Variants in HS3ST4 observed in about 807,000 individuals in gnomAD.
HS3ST4 encodes the protein heparan sulfate-glucosamine 3-sulfotransferase 4, also known as heparan sulfate glucosamine 3-O-sulfotransferase 4.
Under a neutral mutation model 29.2 loss-of-function variants are expected in HS3ST4, and 17 were observed. That is an observed-to-expected ratio of 0.58 (90% CI 0.40 to 0.87). The LOEUF (loss-of-function observed/expected upper bound fraction) is 0.87. HS3ST4 is among the 40% of genes least tolerant of loss of function. The pLI is 0.00. For synonymous variants in HS3ST4, 314 were observed against 285.7 expected, an observed-to-expected ratio of 1.10 and a Z score of -1.00; for missense variants, 627 against 634.5, an observed-to-expected ratio of 0.99 and a Z score of 0.13.
intron 1 of HS3ST4, among the ~76,000 whole-genome samples, chr16:25,905,373 T>G (rs1308031449): frequency 1.3e-5 from 2 of 151,758 alleles, no homozygotes. Flanking sequence ...ACAGGTCAGG[T>G]GTGAAAAGAG....
chr16:25,745,321 G>A (rs1966678974), intron 1 of HS3ST4, among the ~76,000 whole-genome samples: 1 of 152,154 alleles, frequency 6.6e-6, no homozygotes, highest in African/African-American at 2.4e-5. Flanking sequence ...AGCATCAGGT[G>A]CTTGGTCCAT....
At chr16:25,693,209 G>T (rs1966270248) in intron 1 of HS3ST4, 58 bp downstream of exon 1, 1 of 1,473,020 alleles carries the variant, frequency 6.8e-7, no homozygotes, top group African/African-American at 1.4e-5. Context: ...CGGAGGGGAA[G>T]CCGCGGCTTT....
chr16:26,106,483 A>C (rs1034954473), intron 1 of HS3ST4, among the ~76,000 whole-genome samples: 2 of 152,236 alleles, frequency 1.3e-5, no homozygotes, highest in Non-Finnish European at 2.9e-5. Flanking sequence ...GTTGAAGGAA[A>C]AGCCAAGAGG....
chr16:25,900,627 C>T (rs149506069), intron 1 of HS3ST4, among the ~76,000 whole-genome samples: 1 of 151,928 alleles, frequency 6.6e-6, no homozygotes, highest in African/African-American at 2.4e-5. Context: ...TGTTATTGCT[C>T]CCTTATTACC....
intron 1 of HS3ST4, among the ~76,000 whole-genome samples, chr16:25,809,984 A>G (rs536500927): frequency 1.3e-5 from 2 of 151,750 alleles, no homozygotes; most frequent in African/African-American, 4.8e-5. Context: ...ATTGATTGCT[A>G]CTCATTAGTG....
intron 1 of HS3ST4, among the ~76,000 whole-genome samples, chr16:25,726,923 A>G (rs1194866973): frequency 2.0e-5 from 3 of 151,712 alleles, no homozygotes; most frequent in East Asian, 3.9e-4. Context: ...GATCCTTTCT[A>G]TTTTCCATTC....
chr16:25,983,824 G>A (rs11866361), intron 1 of HS3ST4, among the ~76,000 whole-genome samples: 2 of 152,164 alleles, frequency 1.3e-5, no homozygotes, highest in Admixed American at 6.5e-5. Flanking sequence ...AGTAATTTCA[G>A]GGTTGGTGGT....
intron 1 of HS3ST4, among the ~76,000 whole-genome samples, chr16:25,947,960 A>G (rs1254291301): frequency 1.3e-5 from 2 of 152,220 alleles, no homozygotes; most frequent in Admixed American, 6.5e-5. Context: ...GGGAGGATCA[A>G]CTTGGTTAAG....
chr16:25,906,737 G>T lies in HS3ST4; in HGVS notation c.734+213586G>T, dbSNP rs570411008. Among the ~76,000 whole-genome samples, 13 of 152,252 alleles carry T rather than the reference G, an allele frequency of 8.5e-5. No homozygotes were observed. In the East Asian group the frequency reaches 1.7e-3, roughly 20 times the overall value. ...TAGTTTGCTGAGCAAATTCATGAAG[G>T]TGTGAAAATACAAGACATGTATATG... On this transcript the variant is annotated intron_variant, in intron 1 of 1. Transcript: ENST00000331351.
At chr16:26,123,675 C>A (rs369477679) in intron 1 of HS3ST4, among the ~76,000 whole-genome samples, 13 of 152,282 alleles carry the variant, frequency 8.5e-5, no homozygotes, top group African/African-American at 3.1e-4. Flanking sequence ...CCTGTCCAAG[C>A]CTTCCCCCAA....
intron 1 of HS3ST4, among the ~76,000 whole-genome samples, chr16:25,699,748 A>G (rs868055329): frequency 1.3e-5 from 2 of 152,244 alleles, no homozygotes; most frequent in South Asian, 4.1e-4. Context: ...GGTTTGGAGC[A>G]TGTTTTGTAT....
In HS3ST4 at chr16:26,047,423, A is replaced by G. The variant is rs990635934; in HGVS notation, c.735-88189A>G. On this transcript the variant is annotated intron_variant, in intron 1 of 1. Transcript: ENST00000331351. ...CATTTATTGGTGTGTGTATATGTTC[A>G]TGAATATTCCAGTGGGAAGTTGGTG... is the stretch of plus-strand genomic sequence containing the variant. Among the ~76,000 whole-genome samples, 7 of 152,332 alleles carry G rather than the reference A, an allele frequency of 4.6e-5. 1 individual carries two copies. Among genetic ancestry groups the G allele is most frequent in the African/African-American group, 1.7e-4 (7 of 41,572 alleles).
intron 1 of HS3ST4, among the ~76,000 whole-genome samples, chr16:25,906,054 T>G (rs1968176530): frequency 6.6e-6 from 1 of 152,198 alleles, no homozygotes; most frequent in South Asian, 2.1e-4. Context: ...AAAGGTCTTT[T>G]AAAATTGAGT....
intron 1 of HS3ST4, among the ~76,000 whole-genome samples, chr16:25,923,754 A>G (rs546530070): frequency 6.9e-4 from 105 of 152,286 alleles, no homozygotes; most frequent in African/African-American, 2.4e-3. Flanking sequence ...AATCCTGTTC[A>G]TGAATTGATT....
intron 1 of HS3ST4, among the ~76,000 whole-genome samples, chr16:26,054,269 G>GGGGAGAGAGAGAGAGAGA: frequency 7.5e-6 from 1 of 133,734 alleles, no homozygotes; most frequent in African/African-American, 2.9e-5. Flanking sequence ...ACAGAGAGAG[G>GGGGAGAGAGAGAGAGAGA]GAGAGAGAGA....
intron 1 of HS3ST4, among the ~76,000 whole-genome samples, chr16:26,098,830 T>C (rs934286800): frequency 4.0e-5 from 6 of 151,886 alleles, no homozygotes; most frequent in Non-Finnish European, 8.8e-5. Context: ...GTATGATTGA[T>C]GGATAGAGGA....
intron 1 of HS3ST4, chr16:26,032,871 G>A: frequency 6.7e-7 from 1 of 1,498,972 alleles, no homozygotes; most frequent in African/African-American, 1.4e-5. Flanking sequence ...GTGGCGCGCG[G>A]GCTTTGGTCG....
At chr16:25,890,676 T>C (rs1166372640) in intron 1 of HS3ST4, among the ~76,000 whole-genome samples, 2 of 152,190 alleles carry the variant, frequency 1.3e-5, no homozygotes, top group East Asian at 3.9e-4. Flanking sequence ...TCTGGGGAAA[T>C]TGAGCCAGCT....
chr16:25,768,899 G>A lies in HS3ST4; in HGVS notation c.734+75748G>A, dbSNP rs193130556. ...ACTCAGCTGCATTGCACTGGCTCTG[G>A]TTGGTAGCAGTCCGTTTAAGCAGTT... is the stretch of plus-strand genomic sequence containing the variant. On this transcript the variant is annotated intron_variant, in intron 1 of 1. Coordinates refer to ENST00000331351, the MANE Select transcript of HS3ST4 (RefSeq NM_006040.3). Among the ~76,000 whole-genome samples the A allele has an allele frequency of 2.8e-3, 428 of 152,206 alleles. 1 individual carries two copies. The highest frequency in any genetic ancestry group is 4.9e-3 in the Non-Finnish European group (332 of 68,020).
Sources: gnomAD v4.1 joint callset for allele counts (sites outside exome capture counted in the v4.1 genomes callset) on GRCh38, gnomAD v4.1.1 for gene constraint, MANE v1.5 for transcripts, NCBI Gene and HGNC (gene_info 2026-07-23, HGNC 2026-07-21) for gene names.